The following SPAG9 variants were observed in gnomAD, a reference collection of about 807,000 sequenced individuals.
SPAG9 encodes sperm associated antigen 9.
In SPAG9, 35 loss-of-function variants were observed where a neutral mutation model predicts 166.5. The observed-to-expected ratio is 0.21, with a 90% CI of 0.16 to 0.28. SPAG9 has a LOEUF of 0.28. SPAG9 is among the 10% of genes least tolerant of loss of function. SPAG9 has a pLI of 1.00. For synonymous variants in SPAG9, 534 were observed against 565.5 expected (o/e 0.94, Z 0.79); for missense variants, 1,235 against 1,603.3 (o/e 0.77, Z 3.92).
At chr17:50,968,949 T>A (rs1338923355) in intron 29 of SPAG9, among the ~76,000 whole-genome samples, 2 of 151,824 alleles carry the variant, frequency 1.3e-5, no homozygotes, top group African/African-American at 4.8e-5. Flanking sequence ...TTTTCTTTTT[T>A]TGAGATGGAG....
chr17:51,069,114 A>G (rs2047750260), intron 2 of SPAG9, among the ~76,000 whole-genome samples: 1 of 152,074 alleles, frequency 6.6e-6, no homozygotes, highest in Admixed American at 6.6e-5. Context: ...AGCTTTCTAA[A>G]TAATTAACTT....
At chr17:51,050,812 T>A (rs563805614) in intron 3 of SPAG9, among the ~76,000 whole-genome samples, 1 of 151,888 alleles carries the variant, frequency 6.6e-6, no homozygotes, top group South Asian at 2.1e-4. Flanking sequence ...CTTCAGATAA[T>A]CTATTCTTGG....
chr17:51,076,132 T>G (rs1277624427), intron 2 of SPAG9, among the ~76,000 whole-genome samples: 2 of 151,164 alleles, frequency 1.3e-5, no homozygotes, highest in Admixed American at 6.6e-5. Flanking sequence ...GAAAAAAAAT[T>G]TTTTTCAGGC....
At chr17:51,037,720 G>GTA in intron 5 of SPAG9, among the ~76,000 whole-genome samples, 2 of 130,762 alleles carry the variant, frequency 1.5e-5, no homozygotes, top group African/African-American at 5.6e-5. Flanking sequence ...GTGTGTGTGT[G>GTA]TATAAACATT....
intron 1 of SPAG9, among the ~76,000 whole-genome samples, chr17:51,087,243 A>G (rs1052594896): frequency 2.0e-5 from 3 of 152,248 alleles, no homozygotes; most frequent in Non-Finnish European, 2.9e-5. Flanking sequence ...TAGCTCAGAA[A>G]GCAGAACACT....
intron 4 of SPAG9, among the ~76,000 whole-genome samples, chr17:51,046,344 G>T (rs1037799098): frequency 2.6e-5 from 4 of 152,070 alleles, no homozygotes; most frequent in Non-Finnish European, 5.9e-5. Context: ...CTAACTGATG[G>T]TCTATAAATT....
intron 2 of SPAG9, among the ~76,000 whole-genome samples, chr17:51,079,013 AC>A (rs535479404): frequency 8.1e-4 from 124 of 152,296 alleles, no homozygotes; most frequent in African/African-American, 2.9e-3. Flanking sequence ...CATAATGTTA[AC>A]TACAAACAAA....
chr17:50,982,902 C>T (rs1362446927), intron 24 of SPAG9, among the ~76,000 whole-genome samples: 1 of 152,084 alleles, frequency 6.6e-6, no homozygotes, highest in Non-Finnish European at 1.5e-5. Flanking sequence ...TACCTAGACC[C>T]CCTTTAAAAC....
intron 1 of SPAG9, among the ~76,000 whole-genome samples, chr17:51,098,740 C>A (rs991995160): frequency 6.6e-6 from 1 of 151,920 alleles, no homozygotes; most frequent in Non-Finnish European, 1.5e-5. Flanking sequence ...GATCCGCCCC[C>A]CTCGGCCTCC....
At chr17:51,085,959 A>ATTTTTTTTTTTTTTTTTTTTTTTTTTTT (rs34918673) in intron 1 of SPAG9, among the ~76,000 whole-genome samples, 1 of 88,068 alleles carries the variant, frequency 1.1e-5, no homozygotes, top group Non-Finnish European at 2.1e-5. Context: ...CTTGGAAATC[A>ATTTTTTTTTTTTTTTTTTTTTTTTTTTT]TTTTTTTTTT....
intron 4 of SPAG9, among the ~76,000 whole-genome samples, chr17:51,043,564 C>T (rs2046919845): frequency 6.6e-6 from 1 of 152,164 alleles, no homozygotes. Flanking sequence ...CATATTCATT[C>T]TGGACAAAAT....
At chr17:51,037,685 A>ATATATATATATATATAGTGTGTGTGT in intron 5 of SPAG9, among the ~76,000 whole-genome samples, 1 of 83,492 alleles carries the variant, frequency 1.2e-5, no homozygotes, top group African/African-American at 3.9e-5. Context: ...ATATATATAT[A>ATATATATATATATATAGTGTGTGTGT]GTGTGTGTGT....
chr17:50,973,424 G>A (rs192991081), intron 28 of SPAG9, among the ~76,000 whole-genome samples: 2 of 152,166 alleles, frequency 1.3e-5, no homozygotes, highest in East Asian at 3.9e-4. Context: ...TTCTAGGAAG[G>A]AAATGACTAT....
intron 1 of SPAG9, among the ~76,000 whole-genome samples, chr17:51,118,692 CATT>C (rs1272921419): frequency 6.6e-6 from 1 of 152,188 alleles, no homozygotes; most frequent in Non-Finnish European, 1.5e-5. Context: ...GTGATCCTAT[CATT>C]ATTTGGTTTT....
intron 2 of SPAG9, among the ~76,000 whole-genome samples, chr17:51,067,581 T>C (rs1407246375): frequency 1.3e-5 from 2 of 152,138 alleles, no homozygotes; most frequent in East Asian, 3.8e-4. Flanking sequence ...TCTAAAACCT[T>C]GTCATTTTAC....
intron 23 of SPAG9, 71 bp downstream of exon 23, chr17:50,985,627 C>A: frequency 1.2e-6 from 1 of 842,104 alleles, no homozygotes; most frequent in Admixed American, 2.6e-5. Flanking sequence ...TATTAGCTTT[C>A]AAAGTCTTAA....
intron 9 of SPAG9, among the ~76,000 whole-genome samples, chr17:51,009,707 A>G (rs1295002790): frequency 6.6e-6 from 1 of 152,136 alleles, no homozygotes; most frequent in Non-Finnish European, 1.5e-5. Context: ...TACAGAGCTT[A>G]CTCTTAAGGG....
intron 4 of SPAG9, among the ~76,000 whole-genome samples, chr17:51,044,861 T>C (rs949050891): frequency 1.3e-5 from 2 of 152,212 alleles, no homozygotes; most frequent in Non-Finnish European, 2.9e-5. Context: ...AAGACTTTGA[T>C]ATCTTTATTT....
chr17:51,065,130 T>A (rs1027203507), intron 2 of SPAG9, among the ~76,000 whole-genome samples: 5 of 152,114 alleles, frequency 3.3e-5, no homozygotes, highest in African/African-American at 7.2e-5. Flanking sequence ...TCTCAAAAAA[T>A]ATATATATAA....
Sources: gnomAD v4.1 joint callset for allele counts (sites outside exome capture counted in the v4.1 genomes callset) on GRCh38, gnomAD v4.1.1 for gene constraint, MANE v1.5 for transcripts, NCBI Gene and HGNC (gene_info 2026-07-23, HGNC 2026-07-21) for gene names.